PPIP5K1: variants seen among roughly 807,000 people sequenced by gnomAD.
PPIP5K1 encodes the protein inositol hexakisphosphate and diphosphoinositol-pentakisphosphate kinase 1.
Under a neutral mutation model 27.7 loss-of-function variants are expected in PPIP5K1, and 6 were observed. The ratio of observed to expected loss-of-function variants is 0.22; its 90% CI spans 0.12 to 0.43. The LOEUF is 0.43. Ranked by LOEUF, PPIP5K1 falls within the 20% of genes least tolerant of loss-of-function variation. The pLI is 1.00. For missense variants in PPIP5K1, 394 were observed against 635.4 expected, an observed-to-expected ratio of 0.62 and a Z score of 4.08; for synonymous variants, 145 against 242.6, an observed-to-expected ratio of 0.60 and a Z score of 3.74.
chr15:43,542,263 T>C (rs1656450360), intron 30 of PPIP5K1, among the ~76,000 whole-genome samples: 1 of 145,630 alleles, frequency 6.9e-6, no homozygotes, highest in South Asian at 2.2e-4. Context: ...CCAATAGTGC[T>C]GGATGAGTAT....
chr15:43,549,421 T>C (rs1448390123), intron 30 of PPIP5K1, among the ~76,000 whole-genome samples: 1 of 152,104 alleles, frequency 6.6e-6, no homozygotes, highest in Non-Finnish European at 1.5e-5. Flanking sequence ...CCCAGCACTT[T>C]GGGAGGCCGA....
At position 43,542,259 on chromosome 15, in the gene PPIP5K1, G is replaced by A. The variant is rs142636524; in HGVS notation, c.3557-2676C>T. 1.8e-3 allele frequency among the ~76,000 whole-genome samples: 276 copies of A among 150,382 alleles called. 3 individuals are homozygous for A. The highest frequency in any genetic ancestry group is 6.5e-3 in the African/African-American group (264 of 40,884). ...AGTTAGTGAAAAATATTTTCCAATA[G>A]TGCTGGATGAGTATTAATTTGTCTT... On this transcript the variant is annotated intron_variant, in intron 30 of 31. Transcript: ENST00000420765.
At chr15:43,536,968 T>G (rs568866242) in intron 31 of PPIP5K1, among the ~76,000 whole-genome samples, 1 of 152,082 alleles carries the variant, frequency 6.6e-6, no homozygotes, top group East Asian at 1.9e-4. Context: ...CCTTGAAAAG[T>G]TGGTAAACCT....
chr15:43,540,135 C>A (rs2080471573), intron 30 of PPIP5K1, among the ~76,000 whole-genome samples: 1 of 152,056 alleles, frequency 6.6e-6, no homozygotes, highest in African/African-American at 2.4e-5. Flanking sequence ...GCCTGTAATC[C>A]CAGCTATTTG....
chr15:43,559,067 T>C lies in PPIP5K1; in HGVS notation c.3419-135A>G, dbSNP rs530658970. 3.2e-5 allele frequency: 32 copies of C among 1,006,440 alleles called. No individual in the cohort carries two copies. In the East Asian group the frequency reaches 6.5e-4, roughly 21 times the overall value. The allele number at this position is 1,006,440 out of a possible 1,614,324, so 62.3% of individuals were successfully genotyped here. ...TGGAGTGTTGGGTATCCAAGACTCTTAGGAGAGGGAACTCTTTAGAGCCCC... is the reference window on the plus strand; with the variant it reads ...TGGAGTGTTGGGTATCCAAGACTCTCAGGAGAGGGAACTCTTTAGAGCCCC... On this transcript the variant is annotated intron_variant, in intron 29 of 31. Coordinates refer to ENST00000420765, the MANE Select transcript of PPIP5K1 (RefSeq NM_001394395.1).
At chr15:43,542,280 G>T (rs1354069963) in intron 30 of PPIP5K1, among the ~76,000 whole-genome samples, 10 of 135,884 alleles carry the variant, frequency 7.4e-5, no homozygotes, top group African/African-American at 2.8e-4. Context: ...GTATTAATTT[G>T]TCTTATTTAC....
At chr15:43,536,631 G>C (rs2079901704) in intron 31 of PPIP5K1, among the ~76,000 whole-genome samples, 1 of 152,056 alleles carries the variant, frequency 6.6e-6, no homozygotes, top group South Asian at 2.1e-4. Context: ...CACATCTATG[G>C]ATCCAGAGTT....
rs148595627 is a variant in PPIP5K1 at position 43,555,740 on chromosome 15, G to A, written c.3556+3055C>T. On this transcript the variant is annotated intron_variant, in intron 30 of 31. Transcript: ENST00000420765. ...CCTGCCTCGGCCTCCCAAGTAGCTGGGACTACAGGTGCATGCCACCATGCC... is the reference window on the plus strand; with the variant it reads ...CCTGCCTCGGCCTCCCAAGTAGCTGAGACTACAGGTGCATGCCACCATGCC... Among the ~76,000 whole-genome samples the A allele has an allele frequency of 9.9e-3, 1,505 of 152,104 alleles. 25 individuals carry two copies. Among genetic ancestry groups the A allele is most frequent in the African/African-American group, 0.034 (1,428 of 41,492 alleles).
chr15:43,536,225 C>G, intron 31 of PPIP5K1: 1 of 489,896 alleles, frequency 2.0e-6, no homozygotes, highest in South Asian at 1.8e-5. Context: ...TCTAAACCAG[C>G]CTGGCCAACA....
At chr15:43,542,093 T>TA (rs1372951033) in intron 30 of PPIP5K1, among the ~76,000 whole-genome samples, 1 of 152,224 alleles carries the variant, frequency 6.6e-6, no homozygotes, top group Non-Finnish European at 1.5e-5. Flanking sequence ...GAGGAATGTC[T>TA]AGTTCTCCAC....
chr15:43,559,510 T>C (rs1357439017), intron 29 of PPIP5K1, among the ~76,000 whole-genome samples: 1 of 152,152 alleles, frequency 6.6e-6, no homozygotes, highest in African/African-American at 2.4e-5. Context: ...GAAAACCACA[T>C]GCATGAACAG....
intron 30 of PPIP5K1, among the ~76,000 whole-genome samples, chr15:43,552,544 AAG>A: frequency 6.8e-6 from 1 of 147,348 alleles, no homozygotes. Context: ...AAAAAAAAAA[AAG>A]AAAAAAAAAA....
At chr15:43,538,802 A>G (rs1044753259) in intron 31 of PPIP5K1, among the ~76,000 whole-genome samples, 8 of 149,142 alleles carry the variant, frequency 5.4e-5, no homozygotes, top group Non-Finnish European at 1.0e-4. Flanking sequence ...GTGAGCCATC[A>G]TGCCCGGCCT....
chr15:43,539,808 A>G (rs1284716303), intron 30 of PPIP5K1, among the ~76,000 whole-genome samples: 1 of 152,244 alleles, frequency 6.6e-6, no homozygotes, highest in African/African-American at 2.4e-5. Context: ...AGACTGCTGC[A>G]GTCAATGCCC....
At chr15:43,538,932 G>A (rs2080284953) in intron 31 of PPIP5K1, among the ~76,000 whole-genome samples, 1 of 152,150 alleles carries the variant, frequency 6.6e-6, no homozygotes, top group South Asian at 2.1e-4. Context: ...TCCCCAAAGA[G>A]CGCTTTGAGG....
At chr15:43,551,977 ATTT>A (rs35153209) in intron 30 of PPIP5K1, among the ~76,000 whole-genome samples, 1 of 144,788 alleles carries the variant, frequency 6.9e-6, no homozygotes. Flanking sequence ...TTGATTTCAG[ATTT>A]TTTTTTTTTT....
intron 30 of PPIP5K1, among the ~76,000 whole-genome samples, chr15:43,553,556 T>C (rs1263678832): frequency 1.3e-5 from 2 of 152,090 alleles, no homozygotes; most frequent in African/African-American, 4.8e-5. Flanking sequence ...TTACCCAGAC[T>C]GGTCTCAGAT....
chr15:43,585,752 TC>T (rs1367041759), intron 1 of PPIP5K1, among the ~76,000 whole-genome samples: 4 of 107,992 alleles, frequency 3.7e-5, no homozygotes, highest in Non-Finnish European at 8.2e-5. Context: ...AAAAGCTTTT[TC>T]TTAAATTAGC....
At chr15:43,551,761 C>T (rs1407874489) in intron 30 of PPIP5K1, among the ~76,000 whole-genome samples, 5 of 150,098 alleles carry the variant, frequency 3.3e-5, no homozygotes, top group Non-Finnish European at 5.9e-5. Context: ...CGCCACTACG[C>T]CTGGCTAATT....
Sources: allele counts gnomAD v4.1 joint callset (sites outside exome capture counted in the v4.1 genomes callset), GRCh38; gene constraint gnomAD v4.1.1; transcripts MANE v1.5; gene names NCBI Gene and HGNC (gene_info 2026-07-23, HGNC 2026-07-21).